Variants in RYR2 observed in about 807,000 individuals in gnomAD.
RYR2 encodes the protein ryanodine receptor 2.
In RYR2, 227 loss-of-function variants were observed where a neutral mutation model predicts 601.1. The ratio of observed to expected loss-of-function variants is 0.38; its 90% CI spans 0.34 to 0.42. The LOEUF (loss-of-function observed/expected upper bound fraction) is 0.42. Ranked by LOEUF, RYR2 falls within the 10% of genes least tolerant of loss-of-function variation. The pLI is 1.00. For synonymous variants in RYR2, 2,223 were observed against 2,175.1 expected (o/e 1.02, Z -0.61); for missense variants, 4,646 against 6,156.5 (o/e 0.75, Z 8.21).
chr1:237,637,619 C>G (rs997264500), intron 44 of RYR2, among the ~76,000 whole-genome samples: 2 of 152,196 alleles, frequency 1.3e-5, no homozygotes, highest in African/African-American at 2.4e-5. Flanking sequence ...TTTCTCACAC[C>G]TGCTTCCCCA....
At chr1:237,383,424 T>G (rs1488771200) in intron 8 of RYR2, among the ~76,000 whole-genome samples, 1 of 72,772 alleles carries the variant, frequency 1.4e-5, no homozygotes, top group African/African-American at 6.1e-5. Flanking sequence ...CTTGTTTTTT[T>G]TTTTTTTTTT....
chr1:237,768,593 A>G (rs1694027942), intron 84 of RYR2, among the ~76,000 whole-genome samples: 1 of 152,194 alleles, frequency 6.6e-6, no homozygotes, highest in Admixed American at 6.6e-5. Context: ...ACTTTCAACT[A>G]CATGTTACTC....
chr1:237,387,230 T>C, intron 8 of RYR2, 51 bp from the exon 9 acceptor site: 1 of 1,535,482 alleles, frequency 6.5e-7, no homozygotes, highest in Non-Finnish European at 9.0e-7. Flanking sequence ...CACTTACATG[T>C]TACAGCTTAC....
intron 1 of RYR2, among the ~76,000 whole-genome samples, chr1:237,237,926 C>CCCTGTCCCCTTT (rs1685727185): frequency 1.8e-5 from 1 of 56,450 alleles, no homozygotes; most frequent in African/African-American, 4.5e-5. Flanking sequence ...TTTTCCCTTT[C>CCCTGTCCCCTTT]CCTTTCCCCT....
At chr1:237,265,337 T>G (rs1688953462) in intron 1 of RYR2, among the ~76,000 whole-genome samples, 1 of 152,074 alleles carries the variant, frequency 6.6e-6, no homozygotes, top group Non-Finnish European at 1.5e-5. Flanking sequence ...TTTGTTTGTT[T>G]TTTGAGCGGG....
intron 95 of RYR2, 99 bp downstream of exon 95, chr1:237,794,096 G>T (rs1269795849): frequency 1.6e-5 from 16 of 983,130 alleles, no homozygotes; most frequent in Admixed American, 2.3e-5. Context: ...TTTAGCAGAG[G>T]TGAATAATAG....
chr1:237,631,367 T>C, intron 41 of RYR2, 60 bp from the exon 42 acceptor site: 1 of 1,008,970 alleles, frequency 9.9e-7, no homozygotes, highest in South Asian at 1.5e-5. Context: ...TATGAGGAAC[T>C]TGGTTAACTA....
At chr1:237,063,707 G>A (rs926116837) in intron 1 of RYR2, among the ~76,000 whole-genome samples, 14 of 151,968 alleles carry the variant, frequency 9.2e-5, no homozygotes, top group South Asian at 2.1e-4. Flanking sequence ...GTGCCTTTCC[G>A]TTGTCCTGCT....
At chr1:237,807,562 G>A (rs189194747) in intron 99 of RYR2, among the ~76,000 whole-genome samples, 2 of 152,262 alleles carry the variant, frequency 1.3e-5, no homozygotes, top group East Asian at 3.9e-4. Flanking sequence ...ATGTTGGCCA[G>A]GCTGGTCTCG....
chr1:237,239,093 T>A (rs1685887207), intron 1 of RYR2, among the ~76,000 whole-genome samples: 1 of 152,182 alleles, frequency 6.6e-6, no homozygotes, highest in Admixed American at 6.5e-5. Flanking sequence ...AAAGCTAGGG[T>A]GAACTTTTCC....
chr1:237,345,113 G>GT (rs1395210730), intron 3 of RYR2, among the ~76,000 whole-genome samples: 2 of 152,006 alleles, frequency 1.3e-5, no homozygotes, highest in Non-Finnish European at 2.9e-5. Context: ...CCAGCCTGTA[G>GT]TAAGTTTTGA....
chr1:237,223,456 T>G (rs1412577689), intron 1 of RYR2, among the ~76,000 whole-genome samples: 1 of 152,216 alleles, frequency 6.6e-6, no homozygotes, highest in African/African-American at 2.4e-5. Flanking sequence ...ACCATAGCAT[T>G]AAATTAAGGC....
At chr1:237,534,861 T>C (rs1232169686) in intron 25 of RYR2, among the ~76,000 whole-genome samples, 1 of 152,022 alleles carries the variant, frequency 6.6e-6, no homozygotes, top group Non-Finnish European at 1.5e-5. Flanking sequence ...TGAATATGAA[T>C]TGCCTATATT....
intron 1 of RYR2, among the ~76,000 whole-genome samples, chr1:237,101,434 A>G (rs1668096764): frequency 6.6e-6 from 1 of 151,456 alleles, no homozygotes; most frequent in Admixed American, 6.6e-5. Context: ...AACATTCTTC[A>G]TCTGTATTTA....
In RYR2 at chr1:237,614,133, A is replaced by G. The variant is rs397516538; in HGVS notation, c.5005A>G (p.Asn1669Asp). The change falls in exon 37 of 105, where the codon AAC becomes GAC. Residue 1669 changes from asparagine (N) to aspartate (D), a missense_variant. This residue lies in a region of RYR2 where 1,807 missense variants were observed against 2,088.1 expected (regional missense o/e 0.87). Transcript: ENST00000366574. This position sits in a 1 kb window ranked among gnomAD's most constrained non-coding sequence, Gnocchi z 4.3. ...RLYSAVCALG[N>D]HRVAHALCSH... ...CTACTCAGCCGTCTGTGCTCTTGGG[A>G]ACCACCGGGTGGCCCATGCCCTGTG... 2.5e-6 allele frequency: 4 copies of G among 1,613,970 alleles called. No individual in the cohort carries two copies. The highest frequency in any genetic ancestry group is 3.4e-6 in the Non-Finnish European group (4 of 1,179,890).
At chr1:237,468,992 AT>A in intron 16 of RYR2, 99 bp from the exon 17 acceptor site, 1 of 885,558 alleles carries the variant, frequency 1.1e-6, no homozygotes. Context: ...AACAGAGGAT[AT>A]TTTGTTCTTG....
At chr1:237,688,852 C>A (rs1203288335) in intron 63 of RYR2, among the ~76,000 whole-genome samples, 2 of 152,132 alleles carry the variant, frequency 1.3e-5, no homozygotes, top group African/African-American at 2.4e-5. Flanking sequence ...CATAATAATA[C>A]TTTCTATGGT....
At chr1:237,677,561 T>G (rs930965403) in intron 60 of RYR2, among the ~76,000 whole-genome samples, 3 of 152,206 alleles carry the variant, frequency 2.0e-5, no homozygotes, top group Non-Finnish European at 2.9e-5. Flanking sequence ...CCTGACTTCC[T>G]GCAGTTTTTT....
At chr1:237,107,552 T>C (rs1296640764) in intron 1 of RYR2, among the ~76,000 whole-genome samples, 1 of 130,710 alleles carries the variant, frequency 7.7e-6, no homozygotes, top group Admixed American at 8.3e-5. Context: ...CATTGTAGGT[T>C]CTCACTTCTC....
Sources: allele counts gnomAD v4.1 joint callset (sites outside exome capture counted in the v4.1 genomes callset), GRCh38; gene constraint gnomAD v4.1.1; regional missense constraint gnomAD v4.1.1; non-coding constraint Gnocchi (gnomAD v3.1); transcripts MANE v1.5; gene names NCBI Gene and HGNC (gene_info 2026-07-23, HGNC 2026-07-21).